Variants in LAT observed in about 807,000 individuals in gnomAD.
LAT encodes the protein linker for activation of T-cells family member 1.
In LAT, 12 loss-of-function variants were observed where a neutral mutation model predicts 39.1. The observed-to-expected ratio is 0.31, with a 90% confidence interval of 0.20 to 0.50. The LOEUF (loss-of-function observed/expected upper bound fraction) is 0.50. LAT is among the 20% of genes least tolerant of loss of function. The pLI is 0.98. For missense variants in LAT, 253 were observed against 308.0 expected (o/e 0.82, Z 1.34); for synonymous variants, 117 against 123.8 (o/e 0.95, Z 0.36).
intron 11 of LAT, 70 bp from the exon 12 acceptor site, chr16:28,990,119 T>C: frequency 1.0e-6 from 1 of 984,698 alleles, no homozygotes; most frequent in Non-Finnish European, 1.6e-6. Flanking sequence ...CTTGTCCCTC[T>C]GTCTCTGGGT....
In LAT at chr16:28,989,667, C is replaced by T. The variant is rs143508152; in HGVS notation, c.556+78C>T. On this transcript the variant is annotated intron_variant, in intron 9 of 11. Transcript: ENST00000395456. ...TGCTCTCAGTGTGACCAGATCCCACCCTGGGGCTACCCACACCCTCTGCCC... is the reference window on the plus strand; with the variant it reads ...TGCTCTCAGTGTGACCAGATCCCACTCTGGGGCTACCCACACCCTCTGCCC... The T allele has an allele frequency of 6.3e-5, 99 of 1,579,732 alleles. No homozygotes were observed. The Middle Eastern group carries it at 2.9e-3, about 46-fold the overall frequency.
At chr16:28,989,687 C>T in intron 9 of LAT, 87 bp from the exon 10 acceptor site, 1 of 1,585,500 alleles carries the variant, frequency 6.3e-7, no homozygotes, top group African/African-American at 1.3e-5. Flanking sequence ...CCCACACCCT[C>T]TGCCCCCTCT....
intron 9 of LAT, 22 bp from the exon 10 acceptor site, chr16:28,989,752 T>A (rs1567532693): frequency 6.2e-7 from 1 of 1,613,708 alleles, no homozygotes; most frequent in Non-Finnish European, 8.5e-7. Flanking sequence ...TGGCTGCCCC[T>A]CCTTCTGATC....
rs1217851638 is a variant in LAT, at chr16:28,989,787, G to A, written c.570G>A (p.Glu190=). The A allele has an allele frequency of 2.5e-6, 4 of 1,614,030 alleles. No homozygotes were observed. Among genetic ancestry groups the A allele is most frequent in the Non-Finnish European group, 3.4e-6 (4 of 1,180,030 alleles). The change falls in exon 10 of 12, where the codon GAG becomes GAA. Residue 190 remains glutamate (E), a synonymous_variant. Coordinates refer to ENST00000395456, the MANE Select transcript of LAT (RefSeq NM_001014987.2). Reference sequence around the variant, plus strand: ...CTGTCCCCACAGATGGCAGCCGGGAGTATGTGAATGTGTCCCAGGAACTGC... The same window carrying A: ...CTGTCCCCACAGATGGCAGCCGGGAATATGTGAATGTGTCCCAGGAACTGC... ...SAEASLDGSR[E]YVNVSQELHP... is the part of the protein sequence containing the mutation.
In LAT at chr16:28,985,629, C is replaced by G. The variant is rs920843041; in HGVS notation, c.101-84C>G. ...TCTGTCCCTGCCTCCGTCCTGATCC[C>G]AGCGCCTCTGAGAGTCCCTGGATCC... On this transcript the variant is annotated intron_variant, in intron 1 of 11. Transcript: ENST00000395456. This position sits in a 1 kb window ranked among gnomAD's most constrained non-coding sequence, Gnocchi z 4.6. 1.2e-6 allele frequency: 2 copies of G among 1,607,608 alleles called. No individual in the cohort carries two copies. The highest frequency in any genetic ancestry group is 2.7e-5 in the African/African-American group (2 of 74,888).
Position 28,985,257 on chromosome 16 carries a change from G to T in LAT, c.-161G>T. The T allele has an allele frequency of 6.9e-7, 1 of 1,443,318 alleles. No individual in the cohort carries two copies. The allele number at this position is 1,443,318 out of a possible 1,614,324, so 89.4% of individuals were successfully genotyped here. ...AGAGGGGACCCATCCCGGGAGCCCC[G>T]GGGAGGGCACAGCTGCCTCCTCCCG... is the stretch of plus-strand genomic sequence containing the variant. On this transcript the variant is annotated 5_prime_UTR_variant, in exon 1 of 12. Transcript: ENST00000395456. This position sits in a 1 kb window ranked among gnomAD's most constrained non-coding sequence, Gnocchi z 4.6.
Position 28,985,323 on chromosome 16 carries a change from T to C in LAT, c.-95T>C, listed in dbSNP as rs1965718556. On this transcript the variant is annotated 5_prime_UTR_variant, in exon 1 of 12. Coordinates refer to ENST00000395456, the MANE Select transcript of LAT (RefSeq NM_001014987.2). The surrounding 1 kb of genome is among the most constrained non-coding windows in gnomAD (Gnocchi z 4.6). ...TGGTGCCTACCTGCCCCCTGCTCCC[T>C]GCCGGGTCCGGTCCTCACCCCATCT... The C allele has an allele frequency of 6.4e-7, 1 of 1,558,854 alleles. No individual in the cohort carries two copies. The highest frequency in any genetic ancestry group is 1.4e-5 in the African/African-American group (1 of 73,886).
rs774458860 is a variant in LAT at position 28,985,678 on chromosome 16, C to A, written c.101-35C>A. ...CCCAGCACCTTCTGCCCTAAGCACC[C>A]CCTGTTCCTGCCTCACCAGCCCTCT... On this transcript the variant is annotated intron_variant, in intron 1 of 11. Coordinates refer to ENST00000395456, the MANE Select transcript of LAT (RefSeq NM_001014987.2). The surrounding 1 kb of genome is among the most constrained non-coding windows in gnomAD (Gnocchi z 4.6). 3 of 1,613,596 alleles carry A rather than the reference C, an allele frequency of 1.9e-6. No homozygotes were observed. The highest frequency in any genetic ancestry group is 2.5e-6 in the Non-Finnish European group (3 of 1,179,948).
Position 28,985,929 on chromosome 16 carries a change from A to G in LAT, c.163+41A>G, listed in dbSNP as rs1965738265. Reference sequence around the variant, plus strand: ...GTCCCCTACCTTGGGTGCCAGGGAGAGGGTCCCCTGGTGTGGGAGTGAGCG... The same window carrying G: ...GTCCCCTACCTTGGGTGCCAGGGAGGGGGTCCCCTGGTGTGGGAGTGAGCG... On this transcript the variant is annotated intron_variant, in intron 3 of 11. Coordinates refer to ENST00000395456, the MANE Select transcript of LAT (RefSeq NM_001014987.2). This position sits in a 1 kb window ranked among gnomAD's most constrained non-coding sequence, Gnocchi z 4.6. The G allele has an allele frequency of 4.4e-6, 7 of 1,604,476 alleles. No homozygotes were observed. The South Asian group carries it at 6.6e-5, about 15-fold the overall frequency.
Position 28,985,912 on chromosome 16 carries a change from C to T in LAT, c.163+24C>T, listed in dbSNP as rs535225629. 2 of 1,613,060 alleles carry T rather than the reference C, an allele frequency of 1.2e-6. No homozygotes were observed. The highest frequency in any genetic ancestry group is 3.3e-5 in the Admixed American group (2 of 59,986). ...TCGTGAGTACAAGGAGGGTCCCCTA[C>T]CTTGGGTGCCAGGGAGAGGGTCCCC... On this transcript the variant is annotated intron_variant, in intron 3 of 11. Transcript: ENST00000395456. The surrounding 1 kb of genome is among the most constrained non-coding windows in gnomAD (Gnocchi z 4.6).
chr16:28,986,244 C>A lies in LAT; in HGVS notation c.245+28C>A. The A allele has an allele frequency of 6.4e-7, 1 of 1,566,298 alleles. No individual in the cohort carries two copies. Among genetic ancestry groups the A allele is most frequent in the Non-Finnish European group, 8.7e-7 (1 of 1,148,874 alleles). ...GAGTAGCTGCTCAGCCCCTGCCCCT[C>A]CAAAGCTCAGCCCCTCCCCCTCCAA... On this transcript the variant is annotated intron_variant, in intron 4 of 11. Transcript: ENST00000395456. This position sits in a 1 kb window ranked among gnomAD's most constrained non-coding sequence, Gnocchi z 5.7.
rs770972382 is a variant in LAT at position 28,985,676 on chromosome 16, C to G, written c.101-37C>G. On this transcript the variant is annotated intron_variant, in intron 1 of 11. Coordinates refer to ENST00000395456, the MANE Select transcript of LAT (RefSeq NM_001014987.2). The surrounding 1 kb of genome is among the most constrained non-coding windows in gnomAD (Gnocchi z 4.6). ...ATCCCAGCACCTTCTGCCCTAAGCA[C>G]CCCCTGTTCCTGCCTCACCAGCCCT... 5.0e-6 allele frequency: 8 copies of G among 1,613,472 alleles called. No homozygotes were observed. The East Asian group carries it at 1.6e-4, about 31-fold the overall frequency.
chr16:28,985,270 C>T lies in LAT; in HGVS notation c.-148C>T. 5.5e-6 allele frequency: 8 copies of T among 1,456,674 alleles called. No homozygotes were observed. The highest frequency in any genetic ancestry group is 6.3e-6 in the Non-Finnish European group (7 of 1,106,076). The allele number at this position is 1,456,674 out of a possible 1,614,324, so 90.2% of individuals were successfully genotyped here. On this transcript the variant is annotated 5_prime_UTR_variant, in exon 1 of 12. Transcript: ENST00000395456. The surrounding 1 kb of genome is among the most constrained non-coding windows in gnomAD (Gnocchi z 4.6). The stretch of plus-strand genomic sequence containing the variant: ...CCCGGGAGCCCCGGGGAGGGCACAG[C>T]TGCCTCCTCCCGGGCTCCCCTGCCA...
chr16:28,989,135 G>A, intron 8 of LAT: 1 of 180,392 alleles, frequency 5.5e-6, no homozygotes, highest in Admixed American at 6.1e-5. Flanking sequence ...GGGGGGAGGA[G>A]GTGCCTGCTG....
In LAT at chr16:28,990,084, C is replaced by A. The variant is rs935266513; in HGVS notation, c.*7+65C>A. ...CAGGCTCTACTCCTTCCCTCCAGGA[C>A]CCCCTTGCCCAACCCTACCTCTGGC... On this transcript the variant is annotated intron_variant, in intron 11 of 11. Coordinates refer to ENST00000395456, the MANE Select transcript of LAT (RefSeq NM_001014987.2). 1.2e-5 allele frequency: 16 copies of A among 1,365,574 alleles called. 1 individual carries two copies. The highest frequency in any genetic ancestry group is 6.0e-5 in the Admixed American group (3 of 50,240). 84.6% of individuals were successfully genotyped at this position (1,365,574 alleles called of 1,614,324 possible). A position where few individuals can be genotyped will look rare whatever the true frequency, so the allele number is the denominator to read the frequency against.
At chr16:28,984,878 C>T (rs1487043128), upstream of LAT, 2 of 1,549,808 alleles carry the variant, frequency 1.3e-6, no homozygotes, top group East Asian at 4.9e-5. Context: ...GCCACGGCTG[C>T]CAGCTGGCAG....
rs1470646098 is a variant in LAT at position 28,985,723 on chromosome 16, C to T, written c.111C>T (p.Asp37=). The T allele has an allele frequency of 1.1e-5, 17 of 1,614,026 alleles. No homozygotes were observed. The highest frequency in any genetic ancestry group is 1.4e-5 in the Non-Finnish European group (17 of 1,179,962). ...VHCHRLPGSY[D]STSSDSLYPR... ...CCCTCTCTTTCCCAGGCTCCTACGA[C>T]AGCACATCCTCAGATAGGTGAGTCC... Residue 37 remains aspartate (D), a synonymous_variant, in exon 2 of 12, where the codon GAC becomes GAT. Transcript: ENST00000395456. This position sits in a 1 kb window ranked among gnomAD's most constrained non-coding sequence, Gnocchi z 4.6.
upstream of LAT, chr16:28,984,979 G>A (rs956622611): frequency 1.7e-4 from 250 of 1,452,436 alleles, no homozygotes; most frequent in Admixed American, 3.6e-4. Flanking sequence ...CCCCACTGGC[G>A]GGTGGGGTGG....
rs761326854 is a variant in LAT, at chr16:28,986,601, G to A, written c.340+32G>A. 2.5e-6 allele frequency: 4 copies of A among 1,613,686 alleles called. No individual in the cohort carries two copies. The highest frequency in any genetic ancestry group is 3.4e-6 in the Non-Finnish European group (4 of 1,179,730). ...CTGGGATCCGAGGTGCCCAGGCTGG[G>A]TGGGGAGTCTGGGGTCCGTCCTGGA... On this transcript the variant is annotated intron_variant, in intron 6 of 11. Coordinates refer to ENST00000395456, the MANE Select transcript of LAT (RefSeq NM_001014987.2). This position sits in a 1 kb window ranked among gnomAD's most constrained non-coding sequence, Gnocchi z 5.7.
Sources: allele counts gnomAD v4.1 joint callset, GRCh38; gene constraint gnomAD v4.1.1; non-coding constraint Gnocchi (gnomAD v3.1); transcripts MANE v1.5; gene names NCBI Gene and HGNC (gene_info 2026-07-23, HGNC 2026-07-21).